The following PAK5 variants were observed in gnomAD, a reference collection of about 807,000 sequenced individuals.
The protein encoded by PAK5 is serine/threonine-protein kinase PAK 5.
Under a neutral mutation model 65.9 loss-of-function variants are expected in PAK5, and 16 were observed. That is an observed-to-expected ratio of 0.24 (90% CI 0.16 to 0.37). PAK5 has a LOEUF of 0.37. PAK5 is among the 10% of genes least tolerant of loss of function. The pLI is 1.00. For missense variants in PAK5, 785 were observed against 903.9 expected (o/e 0.87, Z 1.69); for synonymous variants, 371 against 354.9 (o/e 1.05, Z -0.51).
intron 1 of PAK5, among the ~76,000 whole-genome samples, chr20:9,726,247 A>G (rs765459667): frequency 6.6e-6 from 1 of 152,154 alleles, no homozygotes; most frequent in Admixed American, 6.6e-5. Context: ...ACAGCTTCCA[A>G]ACTCATGTCT....
intron 2 of PAK5, among the ~76,000 whole-genome samples, chr20:9,670,852 C>T (rs1770491997): frequency 5.3e-5 from 8 of 152,106 alleles, no homozygotes; most frequent in Middle Eastern, 3.2e-3. Context: ...CTTGCCCATG[C>T]CTATGTCCTG....
intron 2 of PAK5, among the ~76,000 whole-genome samples, chr20:9,681,415 T>A (rs995792856): frequency 6.6e-6 from 1 of 152,166 alleles, no homozygotes; most frequent in Non-Finnish European, 1.5e-5. Context: ...AAATAAACTA[T>A]CTTGCTTAAA....
intron 1 of PAK5, among the ~76,000 whole-genome samples, chr20:9,775,625 G>A (rs2048879591): frequency 6.6e-6 from 1 of 152,178 alleles, no homozygotes; most frequent in African/African-American, 2.4e-5. Context: ...AAGGGCAAAT[G>A]TATTAATGCA....
chr20:9,572,554 C>A (rs1010541685), intron 4 of PAK5, among the ~76,000 whole-genome samples: 3 of 152,120 alleles, frequency 2.0e-5, no homozygotes, highest in African/African-American at 4.8e-5. Flanking sequence ...TAAAAGCAGA[C>A]CTATCTTTGG....
At chr20:9,631,902 T>A (rs999168549) in intron 3 of PAK5, among the ~76,000 whole-genome samples, 5 of 152,222 alleles carry the variant, frequency 3.3e-5, no homozygotes, top group African/African-American at 1.2e-4. Context: ...GTTGACAGCA[T>A]AATGCTTCCA....
At chr20:9,785,219 TATC>T (rs2048980481) in intron 1 of PAK5, among the ~76,000 whole-genome samples, 1 of 152,188 alleles carries the variant, frequency 6.6e-6, no homozygotes, top group Non-Finnish European at 1.5e-5. Flanking sequence ...ATTCCATAGT[TATC>T]ATGCAGATGG....
At chr20:9,730,126 ATAAT>A (rs1369587905) in intron 1 of PAK5, among the ~76,000 whole-genome samples, 1 of 151,952 alleles carries the variant, frequency 6.6e-6, no homozygotes, top group African/African-American at 2.4e-5. Context: ...GACATGTAAA[ATAAT>A]TAGTTATTTA....
At chr20:9,755,649 T>A (rs985013003) in intron 1 of PAK5, among the ~76,000 whole-genome samples, 6 of 152,128 alleles carry the variant, frequency 3.9e-5, no homozygotes, top group Non-Finnish European at 8.8e-5. Flanking sequence ...TACACAACCC[T>A]CCTAACTAGA....
intron 1 of PAK5, among the ~76,000 whole-genome samples, chr20:9,791,884 C>T (rs992979857): frequency 6.6e-6 from 1 of 152,084 alleles, no homozygotes; most frequent in Non-Finnish European, 1.5e-5. Context: ...GCTGAAATGG[C>T]TTCCTCCCAA....
chr20:9,678,747 A>G (rs2047609611), intron 2 of PAK5, among the ~76,000 whole-genome samples: 1 of 152,124 alleles, frequency 6.6e-6, no homozygotes, highest in Admixed American at 6.6e-5. Context: ...AAGGGGGGAA[A>G]GCCCCTTATA....
At chr20:9,726,725 A>C (rs1354570713) in intron 1 of PAK5, among the ~76,000 whole-genome samples, 3 of 152,178 alleles carry the variant, frequency 2.0e-5, no homozygotes, top group Non-Finnish European at 2.9e-5. Flanking sequence ...CGCAGGGCTT[A>C]AAACCTAGAT....
At chr20:9,604,259 T>C (rs1482750242) in intron 3 of PAK5, among the ~76,000 whole-genome samples, 2 of 152,172 alleles carry the variant, frequency 1.3e-5, no homozygotes, top group East Asian at 3.8e-4. Flanking sequence ...TAAATGAAGG[T>C]TGCCAGCTGG....
intron 6 of PAK5, among the ~76,000 whole-genome samples, chr20:9,558,008 A>ATTTT (rs1164750742): frequency 2.5e-4 from 17 of 67,948 alleles, no homozygotes; most frequent in Non-Finnish European, 4.5e-4. Flanking sequence ...CCAGGAACTC[A>ATTTT]TTTATTTATT....
chr20:9,663,404 A>G (rs1950197192), intron 2 of PAK5, among the ~76,000 whole-genome samples: 1 of 152,142 alleles, frequency 6.6e-6, no homozygotes, highest in Non-Finnish European at 1.5e-5. Flanking sequence ...AGTGAAGTTT[A>G]TTTAAATAGC....
intron 2 of PAK5, among the ~76,000 whole-genome samples, chr20:9,688,009 G>A (rs1242541858): frequency 6.6e-6 from 1 of 151,892 alleles, no homozygotes; most frequent in East Asian, 1.9e-4. Context: ...GGAAAGGGTT[G>A]GATGGATTGG....
intron 3 of PAK5, among the ~76,000 whole-genome samples, chr20:9,595,132 G>T (rs1016563882): frequency 5.3e-4 from 80 of 151,092 alleles, no homozygotes; most frequent in Middle Eastern, 3.5e-3. Context: ...TATAGAGAGA[G>T]AGAGAGATAG....
intron 1 of PAK5, among the ~76,000 whole-genome samples, chr20:9,725,694 T>C (rs1173003496): frequency 6.6e-6 from 1 of 152,148 alleles, no homozygotes; most frequent in African/African-American, 2.4e-5. Flanking sequence ...GTAACAAGTA[T>C]GGAGAGAACA....
chr20:9,625,618 A>T (rs919395055), intron 3 of PAK5, among the ~76,000 whole-genome samples: 1 of 152,022 alleles, frequency 6.6e-6, no homozygotes, highest in East Asian at 1.9e-4. Context: ...CTCAGGCTAG[A>T]GTACAGTGGC....
chr20:9,669,698 G>T (rs983586902), intron 2 of PAK5, among the ~76,000 whole-genome samples: 2 of 151,984 alleles, frequency 1.3e-5, no homozygotes, highest in Non-Finnish European at 2.9e-5. Context: ...CCTACGAGAA[G>T]AAACCCAGCC....
Sources: allele counts gnomAD v4.1 joint callset (sites outside exome capture counted in the v4.1 genomes callset), GRCh38; gene constraint gnomAD v4.1.1; transcripts MANE v1.5; gene names NCBI Gene and HGNC (gene_info 2026-07-23, HGNC 2026-07-21).